The following KLHL1 variants were observed in gnomAD, a reference collection of about 807,000 sequenced individuals.
KLHL1 encodes the protein kelch like family member 1, also known as kelch-like protein 1.
Under a neutral mutation model 77.7 loss-of-function variants are expected in KLHL1, and 47 were observed. That is an observed-to-expected ratio of 0.60 (90% CI 0.48 to 0.77). KLHL1 has a LOEUF of 0.77. KLHL1 is among the 30% of genes least tolerant of loss of function. The pLI is 0.00. For synonymous variants in KLHL1, 360 were observed against 325.2 expected (o/e 1.11, Z -1.15); for missense variants, 925 against 910.8 (o/e 1.02, Z -0.20).
At chr13:69,915,996 T>C (rs1418272140) in intron 4 of KLHL1, among the ~76,000 whole-genome samples, 1 of 152,124 alleles carries the variant, frequency 6.6e-6, no homozygotes. Flanking sequence ...AAAATGCTCA[T>C]CATCACTGGC....
chr13:69,969,581 G>C (rs538710840), intron 2 of KLHL1, among the ~76,000 whole-genome samples: 1 of 151,938 alleles, frequency 6.6e-6, no homozygotes, highest in East Asian at 1.9e-4. Context: ...GTATATAGTT[G>C]CAGCAAGGCC....
intron 1 of KLHL1, among the ~76,000 whole-genome samples, chr13:69,988,939 C>CT (rs1234606050): frequency 2.3e-4 from 35 of 152,104 alleles, no homozygotes; most frequent in Non-Finnish European, 8.8e-5. Flanking sequence ...TTGATAGGTT[C>CT]TTTTGCTGTG....
intron 1 of KLHL1, among the ~76,000 whole-genome samples, chr13:69,978,421 G>A (rs142495980): frequency 5.0e-4 from 76 of 151,626 alleles, no homozygotes; most frequent in African/African-American, 1.7e-3. Flanking sequence ...TAGGGTTTGG[G>A]ATAAAAGCTC....
chr13:69,988,742 T>C (rs1265994351), intron 1 of KLHL1, among the ~76,000 whole-genome samples: 1 of 152,176 alleles, frequency 6.6e-6, no homozygotes, highest in Admixed American at 6.6e-5. Flanking sequence ...ATAAGTATAT[T>C]GGCTGCAAGT....
intron 2 of KLHL1, among the ~76,000 whole-genome samples, chr13:69,968,100 G>A (rs9564635): frequency 7.3e-5 from 11 of 151,310 alleles, no homozygotes; most frequent in African/African-American, 2.7e-4. Context: ...TTTTAAGAAT[G>A]GCCACAGATA....
rs543376178 is a variant in KLHL1 at position 69,978,636 on chromosome 13, A to G, written c.498-2834T>C. Among the ~76,000 whole-genome samples the G allele has an allele frequency of 1.0e-3, 151 of 151,674 alleles. 1 individual carries two copies. The highest frequency in any genetic ancestry group is 2.0e-4 in the East Asian group (1 of 5,076). ...TGAGTAGCTGGGATTACAGGCATGC[A>G]CCACCATGCCCGGCTCATTTTTGTA... is the stretch of plus-strand genomic sequence containing the variant. On this transcript the variant is annotated intron_variant, in intron 1 of 10. Transcript: ENST00000377844.
intron 7 of KLHL1, among the ~76,000 whole-genome samples, chr13:69,786,275 C>T (rs563884566): frequency 6.6e-6 from 1 of 152,082 alleles, no homozygotes; most frequent in South Asian, 2.1e-4. Flanking sequence ...ACTGGCAAAC[C>T]AAATCCAGCA....
chr13:69,798,628 A>T (rs1260482489), intron 6 of KLHL1, among the ~76,000 whole-genome samples: 2 of 151,950 alleles, frequency 1.3e-5, no homozygotes, highest in Non-Finnish European at 2.9e-5. Context: ...TAATATATTT[A>T]TTATATTGGA....
chr13:69,973,064 T>C (rs1884438188), intron 2 of KLHL1, among the ~76,000 whole-genome samples: 1 of 151,808 alleles, frequency 6.6e-6, no homozygotes, highest in Admixed American at 6.6e-5. Flanking sequence ...CACAAATGAG[T>C]TCAGAATTTT....
In KLHL1 at chr13:70,102,643, A is replaced by G. The variant is rs572974422; in HGVS notation, c.497+4560T>C. On this transcript the variant is annotated intron_variant, in intron 1 of 10. Transcript: ENST00000377844. ...ATCTGGAGTCAGATACAACGGGTTA[A>G]AGTCCAGCCTTATTAATAACAAGTC... Among the ~76,000 whole-genome samples, 5 of 152,316 alleles carry G rather than the reference A, an allele frequency of 3.3e-5. No individual in the cohort carries two copies. In the South Asian group the frequency reaches 1.0e-3, roughly 32 times the overall value.
intron 1 of KLHL1, among the ~76,000 whole-genome samples, chr13:69,995,374 C>A (rs1885126610): frequency 6.6e-6 from 1 of 152,026 alleles, no homozygotes; most frequent in South Asian, 2.1e-4. Flanking sequence ...GCTGAACAGT[C>A]CACTGAGTTA....
intron 6 of KLHL1, among the ~76,000 whole-genome samples, chr13:69,803,880 A>G (rs192258337): frequency 6.6e-6 from 1 of 152,324 alleles, no homozygotes; most frequent in Admixed American, 6.5e-5. Context: ...AACAATCAAA[A>G]TAAATTTGGA....
Position 69,879,803 on chromosome 13 carries a change from A to ATT in KLHL1, c.1227+2479_1227+2480insAA, listed in dbSNP as rs1593912838. Among the ~76,000 whole-genome samples the ATT allele has an allele frequency of 3.9e-5, 6 of 152,276 alleles. 1 individual carries two copies. The East Asian group carries it at 1.2e-3, about 29-fold the overall frequency. On this transcript the variant is annotated intron_variant, in intron 5 of 10. Coordinates refer to ENST00000377844, the MANE Select transcript of KLHL1 (RefSeq NM_020866.3). The stretch of plus-strand genomic sequence containing the variant: ...TTTCTGTCAGATCCAATTGGAGTAA[A>ATT]ATCTGGTCTTTAAAACTAAAGAAGA...
chr13:69,997,484 G>A (rs998411416), intron 1 of KLHL1, among the ~76,000 whole-genome samples: 5 of 150,734 alleles, frequency 3.3e-5, no homozygotes, highest in African/African-American at 1.2e-4. Flanking sequence ...TTCTAGCCAC[G>A]GGAAACCACC....
chr13:69,802,773 G>T (rs9572293), intron 6 of KLHL1, among the ~76,000 whole-genome samples: 1 of 151,608 alleles, frequency 6.6e-6, no homozygotes, highest in South Asian at 2.1e-4. Context: ...GAATTGCTCA[G>T]TCAGGGAGCT....
intron 1 of KLHL1, among the ~76,000 whole-genome samples, chr13:70,033,871 C>A (rs1886177710): frequency 6.6e-6 from 1 of 151,920 alleles, no homozygotes; most frequent in Admixed American, 6.6e-5. Context: ...CTTCCTGCCC[C>A]CACCTCTGGG....
chr13:69,767,227 A>G (rs896534147), intron 7 of KLHL1, among the ~76,000 whole-genome samples: 13 of 152,350 alleles, frequency 8.5e-5, no homozygotes, highest in African/African-American at 3.1e-4. Flanking sequence ...GCTTAAAGCA[A>G]AATATATTTT....
chr13:69,774,904 T>C (rs1875751633), intron 7 of KLHL1, among the ~76,000 whole-genome samples: 1 of 152,206 alleles, frequency 6.6e-6, no homozygotes, highest in Non-Finnish European at 1.5e-5. Flanking sequence ...ACTGAAACTA[T>C]CATGGAATGA....
At position 70,085,599 on chromosome 13, in the gene KLHL1, C is replaced by T. The variant is rs376259621; in HGVS notation, c.497+21604G>A. On this transcript the variant is annotated intron_variant, in intron 1 of 10. Transcript: ENST00000377844. Reference sequence around the variant, plus strand: ...ACTGAATGGGCTGGGCGCAGTGGCTCGTGCTTGTAATCTCAGCACTTTGGG... The same window carrying T: ...ACTGAATGGGCTGGGCGCAGTGGCTTGTGCTTGTAATCTCAGCACTTTGGG... Among the ~76,000 whole-genome samples the T allele has an allele frequency of 1.4e-4, 22 of 152,254 alleles. No homozygotes were observed. The South Asian group carries it at 3.9e-3, about 27-fold the overall frequency.
Sources: gnomAD v4.1 joint callset for allele counts (sites outside exome capture counted in the v4.1 genomes callset) on GRCh38, gnomAD v4.1.1 for gene constraint, MANE v1.5 for transcripts, NCBI Gene and HGNC (gene_info 2026-07-23, HGNC 2026-07-21) for gene names.